The following GRK4 variants were observed in gnomAD, a reference collection of about 807,000 sequenced individuals.
GRK4 encodes the protein G protein-coupled receptor kinase 2-like.
Under a neutral mutation model 77.9 loss-of-function variants are expected in GRK4, and 73 were observed. The ratio of observed to expected loss-of-function variants is 0.94; its 90% CI spans 0.78 to 1.14. GRK4 has a LOEUF of 1.14. GRK4 is among the 50% of genes most tolerant of loss of function. The probability of loss-of-function intolerance (pLI) is 0.00; values close to 1 mark genes in which losing one functional copy is unlikely to be tolerated. For synonymous variants in GRK4, 257 were observed against 254.4 expected (o/e 1.01, Z -0.10); for missense variants, 729 against 700.2 (o/e 1.04, Z -0.46).
At chr4:2,980,968 G>A (rs1722700110) in intron 1 of GRK4, among the ~76,000 whole-genome samples, 1 of 152,256 alleles carries the variant, frequency 6.6e-6, no homozygotes, top group Non-Finnish European at 1.5e-5. Flanking sequence ...TGGCCATTGG[G>A]CACAGCCAGG....
intron 8 of GRK4, among the ~76,000 whole-genome samples, chr4:3,015,558 C>T (rs2109937673): frequency 6.6e-6 from 1 of 152,074 alleles, no homozygotes; most frequent in East Asian, 1.9e-4. Context: ...GCCTGTAGTC[C>T]CAGCTACTCA....
intron 6 of GRK4, among the ~76,000 whole-genome samples, chr4:3,008,455 T>A (rs1731938027): frequency 6.6e-6 from 1 of 152,190 alleles, no homozygotes; most frequent in African/African-American, 2.4e-5. Context: ...ACCTGGGAAA[T>A]GTGTGTACAA....
Position 2,963,701 on chromosome 4 carries a change from C to T in GRK4, c.-370C>T, listed in dbSNP as rs1300303919. The T allele has an allele frequency of 5.2e-6, 2 of 382,780 alleles. No homozygotes were observed. The highest frequency in any genetic ancestry group is 4.9e-5 in the Admixed American group (1 of 20,376). The allele number at this position is 382,780 out of a possible 1,614,324, so 23.7% of individuals were successfully genotyped here. On this transcript the variant is annotated 5_prime_UTR_variant, in exon 1 of 16. It adds an upstream start codon to the 5' untranslated region. Transcript: ENST00000398052. ...GTGAGCCCCTGTCCGAAGTGAGCCACGGCATTGACTCGGGGCTGCCCGGGG... is the reference window on the plus strand; with the variant it reads ...GTGAGCCCCTGTCCGAAGTGAGCCATGGCATTGACTCGGGGCTGCCCGGGG...
chr4:2,979,437 G>C (rs1467858305), intron 1 of GRK4, among the ~76,000 whole-genome samples: 2 of 149,596 alleles, frequency 1.3e-5, no homozygotes, highest in East Asian at 3.9e-4. Context: ...GAGTGGCCAG[G>C]CACGGTGGCT....
intron 8 of GRK4, among the ~76,000 whole-genome samples, chr4:3,018,795 T>C (rs1267906866): frequency 6.6e-6 from 1 of 151,890 alleles, no homozygotes; most frequent in Non-Finnish European, 1.5e-5. Flanking sequence ...GGAGAATCGC[T>C]TGAAACCTGG....
intron 10 of GRK4, among the ~76,000 whole-genome samples, chr4:3,026,717 G>A (rs1293699479): frequency 1.3e-5 from 2 of 152,234 alleles, no homozygotes; most frequent in Non-Finnish European, 2.9e-5. Context: ...GTGCTCTCCC[G>A]CCTCCCAGGG....
At chr4:2,999,252 G>A (rs1159522748) in intron 4 of GRK4, among the ~76,000 whole-genome samples, 2 of 152,150 alleles carry the variant, frequency 1.3e-5, no homozygotes, top group East Asian at 3.9e-4. Context: ...ACGCCTGGGT[G>A]GGGAGTGGTG....
At chr4:2,985,488 T>A (rs1724040412) in intron 2 of GRK4, among the ~76,000 whole-genome samples, 1 of 151,410 alleles carries the variant, frequency 6.6e-6, no homozygotes, top group Admixed American at 6.6e-5. Flanking sequence ...GGAGGATCCC[T>A]TGAGCCCAAG....
chr4:3,016,028 C>G (rs113977181), intron 8 of GRK4, among the ~76,000 whole-genome samples: 2,461 of 151,330 alleles, frequency 0.016, 58 homozygotes, highest in African/African-American at 0.057. Context: ...CCTGCCTCAG[C>G]CTCCCGAGTA....
At chr4:2,964,634 G>C (rs1382869626) in intron 1 of GRK4, among the ~76,000 whole-genome samples, 1 of 152,168 alleles carries the variant, frequency 6.6e-6, no homozygotes, top group African/African-American at 2.4e-5. Flanking sequence ...GAGGCTCTAT[G>C]GTGTGTCAAG....
chr4:2,966,739 C>G (rs1717831841), intron 1 of GRK4: 1 of 152,222 alleles, frequency 6.6e-6, no homozygotes, highest in Admixed American at 6.5e-5. Flanking sequence ...TTTAGCTTCA[C>G]TGGCTCATAT....
At chr4:3,039,514 A>G (rs1741799673) in intron 15 of GRK4, among the ~76,000 whole-genome samples, 1 of 151,998 alleles carries the variant, frequency 6.6e-6, no homozygotes, top group African/African-American at 2.4e-5. Context: ...CTTAGCCAAC[A>G]TGGTGAAACC....
At position 2,975,421 on chromosome 4, in the gene GRK4, G is replaced by A. The variant is rs546373980; in HGVS notation, c.53-9092G>A. On this transcript the variant is annotated intron_variant, in intron 1 of 15. Transcript: ENST00000398052. ...CTTCCCTCCTCATACCTAATATACC[G>A]TGGGGGAGCAGAGGCAGGGTGACTA... Among the ~76,000 whole-genome samples, 11 of 152,252 alleles carry A rather than the reference G, an allele frequency of 7.2e-5. No individual in the cohort carries two copies. In the South Asian group the frequency reaches 2.1e-3, roughly 29 times the overall value.
At position 2,984,606 on chromosome 4, in the gene GRK4, T is replaced by C. The variant is rs200257718; in HGVS notation, c.146T>C (p.Ile49Thr). The C allele has an allele frequency of 1.3e-4, 201 of 1,580,622 alleles. 1 individual carries two copies. The highest frequency in any genetic ancestry group is 2.2e-5 in the Non-Finnish European group (25 of 1,152,932). The change falls in exon 2 of 16, where the codon ATT (isoleucine) becomes ACT (threonine). Residue 49 changes from isoleucine to threonine, a missense_variant and splice_region_variant. By Grantham distance (89) the Ile-to-Thr change is moderately conservative. Coordinates refer to ENST00000398052, the MANE Select transcript of GRK4 (RefSeq NM_182982.3). ...CAGTGCAGTGAGCTTAGACATTCCA[T>C]TGGTGAGTAAATAGTGCCTACTAAT... The part of the protein sequence containing the change: ...VSQCSELRHS[I>T]EKDYSSLCDK...
chr4:2,991,697 A>C (rs2109672663), intron 3 of GRK4, among the ~76,000 whole-genome samples: 1 of 152,026 alleles, frequency 6.6e-6, no homozygotes, highest in East Asian at 1.9e-4. Context: ...ATTTTAGTAC[A>C]GACGGGTTTT....
chr4:3,001,089 A>ATATATATATATATATATGTGTGTG lies in GRK4; in HGVS notation c.340-3141_340-3140insATATATATATATATATGTGTGTGT. Among the ~76,000 whole-genome samples, 16 of 82,432 alleles carry ATATATATATATATATATGTGTGTG rather than the reference A, an allele frequency of 1.9e-4. 1 individual carries two copies. The highest frequency in any genetic ancestry group is 9.3e-4 in the African/African-American group (16 of 17,214). The allele number at this position is 82,432 out of a possible 152,430, so 54.1% of individuals were successfully genotyped here. On this transcript the variant is annotated intron_variant, in intron 4 of 15. Coordinates refer to ENST00000398052, the MANE Select transcript of GRK4 (RefSeq NM_182982.3). ...TAAATGAGACTATATATATATATATATGTGTGTGTGTGTGTGTATATATAT... is the reference window on the plus strand; with the variant it reads ...TAAATGAGACTATATATATATATATATATATATATATATATATGTGTGTGTGTGTGTGTGTGTGTGTATATATAT...
intron 1 of GRK4, among the ~76,000 whole-genome samples, chr4:2,974,009 C>T (rs1482070643): frequency 1.3e-5 from 2 of 152,140 alleles, no homozygotes; most frequent in African/African-American, 4.8e-5. Flanking sequence ...ACTACCCCTT[C>T]CCTCATTCAC....
intron 12 of GRK4, among the ~76,000 whole-genome samples, chr4:3,031,910 G>C (rs1739285104): frequency 6.6e-6 from 1 of 152,152 alleles, no homozygotes; most frequent in Non-Finnish European, 1.5e-5. Context: ...ACTGACATGG[G>C]CTGGCAGTGG....
intron 3 of GRK4, among the ~76,000 whole-genome samples, chr4:2,989,623 G>T (rs1019137813): frequency 1.3e-5 from 2 of 152,128 alleles, no homozygotes; most frequent in African/African-American, 4.8e-5. Context: ...TGCTTGTTCG[G>T]CTACCAGAAA....
Sources: gnomAD v4.1 joint callset for allele counts (sites outside exome capture counted in the v4.1 genomes callset) on GRCh38, gnomAD v4.1.1 for gene constraint, MANE v1.5 for transcripts, NCBI Gene and HGNC (gene_info 2026-07-23, HGNC 2026-07-21) for gene names.